DOCK4: variants seen among roughly 807,000 people sequenced by gnomAD.
The protein encoded by DOCK4 is dedicator of cytokinesis 4, also known as dedicator of cytokinesis protein 4.
A neutral mutation model predicts 268.1 loss-of-function variants in DOCK4; 97 were observed. The observed-to-expected ratio is 0.36, with a 90% CI of 0.31 to 0.43. The LOEUF (loss-of-function observed/expected upper bound fraction) is 0.43. DOCK4 is among the 20% of genes least tolerant of loss of function. DOCK4 has a pLI of 1.00. For synonymous variants in DOCK4, 954 were observed against 887.2 expected, an observed-to-expected ratio of 1.08 and a Z score of -1.34; for missense variants, 2,145 against 2,455.7, an observed-to-expected ratio of 0.87 and a Z score of 2.67.
chr7:112,135,863 G>T (rs1302043685), intron 1 of DOCK4, among the ~76,000 whole-genome samples: 1 of 151,938 alleles, frequency 6.6e-6, no homozygotes, highest in Non-Finnish European at 1.5e-5. Flanking sequence ...ATATCTGAAA[G>T]GCCAACAGAA....
intron 23 of DOCK4, among the ~76,000 whole-genome samples, chr7:111,861,745 CAAA>C (rs35987323): frequency 6.1e-5 from 7 of 114,644 alleles, no homozygotes; most frequent in African/African-American, 1.8e-4. Context: ...GACTCAGTCT[CAAA>C]AAAAAAAAAA....
chr7:111,872,392 T>C lies in DOCK4; in HGVS notation c.1843-40A>G, dbSNP rs117262078. 17,712 of 1,527,222 alleles carry C rather than the reference T, an allele frequency of 0.012. 121 individuals are homozygous for C. Among genetic ancestry groups the C allele is most frequent in the Non-Finnish European group, 0.014 (15,244 of 1,127,872 alleles). 94.6% of individuals were successfully genotyped at this position (1,527,222 alleles called of 1,614,324 possible). A position where few individuals can be genotyped will look rare whatever the true frequency, so the allele number is the denominator to read the frequency against. On this transcript the variant is annotated intron_variant, in intron 18 of 52. Transcript: ENST00000428084. ...AGTAGCAAATGAGTAAATAAGATAC[T>C]ATCTGTCTTTTTCCTCCAAATGTTC...
intron 51 of DOCK4, chr7:111,732,531 T>C: frequency 3.6e-6 from 2 of 548,328 alleles, no homozygotes; most frequent in South Asian, 2.1e-5. Context: ...TATGATGCTT[T>C]GACTATTGAC....
At chr7:112,048,736 A>AC (rs1289459557) in intron 1 of DOCK4, among the ~76,000 whole-genome samples, 1 of 151,626 alleles carries the variant, frequency 6.6e-6, no homozygotes, top group East Asian at 1.9e-4. Context: ...GAAAAAAAAA[A>AC]CATCAACCTA....
At chr7:112,099,242 A>G (rs573043707) in intron 1 of DOCK4, among the ~76,000 whole-genome samples, 1 of 147,632 alleles carries the variant, frequency 6.8e-6, no homozygotes, top group East Asian at 2.1e-4. Flanking sequence ...CAGTGAGCTG[A>G]GTTCGTGCCA....
At chr7:111,921,880 A>G (rs551752390) in intron 12 of DOCK4, among the ~76,000 whole-genome samples, 1 of 152,336 alleles carries the variant, frequency 6.6e-6, no homozygotes, top group South Asian at 2.1e-4. Flanking sequence ...TTAGTGTCAT[A>G]TAGAAATAAA....
chr7:111,971,062 G>C (rs866378541), intron 8 of DOCK4, among the ~76,000 whole-genome samples: 4 of 152,196 alleles, frequency 2.6e-5, no homozygotes, highest in Non-Finnish European at 4.4e-5. Flanking sequence ...ACGAGAAAGG[G>C]AGTACTTTTA....
At chr7:111,928,745 C>A (rs1457667514) in intron 12 of DOCK4, among the ~76,000 whole-genome samples, 1 of 151,932 alleles carries the variant, frequency 6.6e-6, no homozygotes, top group South Asian at 2.1e-4. Flanking sequence ...CGTGCCACCA[C>A]ACCCAGCTAA....
intron 1 of DOCK4, among the ~76,000 whole-genome samples, chr7:112,195,792 AAT>A (rs1491116149): frequency 6.6e-6 from 1 of 152,290 alleles, no homozygotes; most frequent in East Asian, 1.9e-4. Flanking sequence ...TTGATAGTCT[AAT>A]AAACAGCAAA....
chr7:112,025,583 C>T (rs183755455), intron 1 of DOCK4, among the ~76,000 whole-genome samples: 2 of 152,128 alleles, frequency 1.3e-5, no homozygotes, highest in East Asian at 3.9e-4. Flanking sequence ...ATTCAGGTGC[C>T]GGTATGACCT....
chr7:112,103,786 G>A (rs140041399), intron 1 of DOCK4, among the ~76,000 whole-genome samples: 132 of 152,234 alleles, frequency 8.7e-4, no homozygotes, highest in Non-Finnish European at 1.7e-3. Context: ...GGAGGCTGAG[G>A]CACGAGAATT....
At chr7:111,733,489 T>C (rs1465792653) in intron 51 of DOCK4, among the ~76,000 whole-genome samples, 1 of 152,158 alleles carries the variant, frequency 6.6e-6, no homozygotes, top group Non-Finnish European at 1.5e-5. Context: ...TGATCGTGGG[T>C]GCTGATTATG....
chr7:111,884,610 G>A (rs1033281098), intron 16 of DOCK4, among the ~76,000 whole-genome samples: 1 of 152,118 alleles, frequency 6.6e-6, no homozygotes, highest in Non-Finnish European at 1.5e-5. Context: ...GTGGTATATG[G>A]AGCTGAAATA....
chr7:111,982,978 T>C (rs556198329), intron 7 of DOCK4, among the ~76,000 whole-genome samples: 1 of 152,326 alleles, frequency 6.6e-6, no homozygotes, highest in South Asian at 2.1e-4. Flanking sequence ...AATGCTCTTA[T>C]TTTTCTTTCT....
intron 27 of DOCK4, among the ~76,000 whole-genome samples, chr7:111,812,920 C>T (rs909556862): frequency 6.6e-5 from 10 of 152,126 alleles, no homozygotes; most frequent in African/African-American, 2.4e-4. Context: ...ATAGGTAGCT[C>T]GCTGGGGAGA....
intron 1 of DOCK4, among the ~76,000 whole-genome samples, chr7:112,143,014 G>A (rs1379705158): frequency 6.6e-6 from 1 of 152,116 alleles, no homozygotes; most frequent in East Asian, 1.9e-4. Context: ...GGGTGGATAA[G>A]TGGGGGTGAC....
intron 51 of DOCK4, among the ~76,000 whole-genome samples, chr7:111,733,586 T>C (rs975767011): frequency 1.6e-4 from 25 of 152,174 alleles, no homozygotes; most frequent in Non-Finnish European, 8.8e-5. Context: ...GATTGTTCCC[T>C]AGGACCCTCT....
intron 1 of DOCK4, among the ~76,000 whole-genome samples, chr7:112,084,257 A>G (rs1451283180): frequency 6.6e-6 from 1 of 152,226 alleles, no homozygotes; most frequent in African/African-American, 2.4e-5. Context: ...ATGGAGCAAC[A>G]GCTGACTGAT....
chr7:111,893,269 T>C (rs529404994), intron 16 of DOCK4, among the ~76,000 whole-genome samples: 2 of 152,264 alleles, frequency 1.3e-5, no homozygotes, highest in Non-Finnish European at 2.9e-5. Flanking sequence ...ATTTTAAGCA[T>C]ATGCATGTTT....
Sources: gnomAD v4.1 joint callset for allele counts (sites outside exome capture counted in the v4.1 genomes callset) on GRCh38, gnomAD v4.1.1 for gene constraint, MANE v1.5 for transcripts, NCBI Gene and HGNC (gene_info 2026-07-23, HGNC 2026-07-21) for gene names.